Variants in KCTD8 observed in about 807,000 individuals in gnomAD.
KCTD8 encodes potassium channel tetramerization domain containing 8, also known as BTB/POZ domain-containing protein KCTD8.
KCTD8 carries 27 observed loss-of-function variants against 31.5 expected under a neutral mutation model. The observed-to-expected ratio is 0.86, with a 90% confidence interval of 0.63 to 1.18. KCTD8 has a LOEUF of 1.18. KCTD8 is among the 50% of genes most tolerant of loss of function. The pLI is 0.00. For missense variants in KCTD8, 658 were observed against 647.7 expected, an observed-to-expected ratio of 1.02 and a Z score of -0.17; for synonymous variants, 290 against 280.0, an observed-to-expected ratio of 1.04 and a Z score of -0.36.
At chr4:44,434,322 A>G (rs1338588833) in intron 1 of KCTD8, among the ~76,000 whole-genome samples, 1 of 151,888 alleles carries the variant, frequency 6.6e-6, no homozygotes, top group Non-Finnish European at 1.5e-5. Flanking sequence ...TGCAAAAGGT[A>G]CCATGCCAAG....
intron 1 of KCTD8, among the ~76,000 whole-genome samples, chr4:44,351,695 A>G (rs545469398): frequency 6.6e-6 from 1 of 152,224 alleles, no homozygotes; most frequent in Middle Eastern, 3.4e-3. Context: ...TCAATATGGT[A>G]CAATAGAACA....
intron 1 of KCTD8, among the ~76,000 whole-genome samples, chr4:44,284,657 A>C (rs1717003549): frequency 6.6e-6 from 1 of 152,226 alleles, no homozygotes; most frequent in Admixed American, 6.5e-5. Context: ...TGCACAGCAA[A>C]AGAAACTATC....
chr4:44,359,456 G>A (rs933584872), intron 1 of KCTD8, among the ~76,000 whole-genome samples: 14 of 152,036 alleles, frequency 9.2e-5, no homozygotes, highest in Admixed American at 2.0e-4. Flanking sequence ...TAAATCATCC[G>A]TTATTTGTAG....
At chr4:44,436,261 G>C (rs1225068909) in intron 1 of KCTD8, among the ~76,000 whole-genome samples, 1 of 151,966 alleles carries the variant, frequency 6.6e-6, no homozygotes, top group Non-Finnish European at 1.5e-5. Context: ...TGGTACAGAA[G>C]AACAATTTAA....
At chr4:44,415,779 G>T (rs183095620) in intron 1 of KCTD8, among the ~76,000 whole-genome samples, 1 of 152,230 alleles carries the variant, frequency 6.6e-6, no homozygotes, top group Non-Finnish European at 1.5e-5. Context: ...TTCAAAAGAC[G>T]TGCTGGAAAG....
At chr4:44,323,387 G>A (rs1235422909) in intron 1 of KCTD8, among the ~76,000 whole-genome samples, 2 of 151,610 alleles carry the variant, frequency 1.3e-5, no homozygotes, top group Non-Finnish European at 2.9e-5. Context: ...CCAGCTACTT[G>A]GGAGGCTGAA....
In KCTD8 at chr4:44,415,765, G is replaced by A. The variant is rs554184686; in HGVS notation, c.961+31798C>T. 9.1e-4 allele frequency among the ~76,000 whole-genome samples: 139 copies of A among 152,318 alleles called. 1 individual carries two copies. Among genetic ancestry groups the A allele is most frequent in the African/African-American group, 3.1e-3 (127 of 41,568 alleles). Reference sequence around the variant, plus strand: ...GAAGGTGGCTTGGCAGCACTCCCCTGGATTTCAAAAGACGTGCTGGAAAGT... The same window carrying A: ...GAAGGTGGCTTGGCAGCACTCCCCTAGATTTCAAAAGACGTGCTGGAAAGT... On this transcript the variant is annotated intron_variant, in intron 1 of 1. Coordinates refer to ENST00000360029, the MANE Select transcript of KCTD8 (RefSeq NM_198353.3).
intron 1 of KCTD8, among the ~76,000 whole-genome samples, chr4:44,425,948 G>T (rs1721334510): frequency 6.6e-6 from 1 of 151,346 alleles, no homozygotes; most frequent in South Asian, 2.1e-4. Flanking sequence ...GAAACCAGCA[G>T]TCACAACATA....
At chr4:44,428,474 T>C (rs1031025087) in intron 1 of KCTD8, among the ~76,000 whole-genome samples, 4 of 151,712 alleles carry the variant, frequency 2.6e-5, no homozygotes, top group African/African-American at 9.7e-5. Context: ...CTGGGCTTCA[T>C]TTTCCTCACA....
chr4:44,192,258 C>A (rs376186188), intron 1 of KCTD8, among the ~76,000 whole-genome samples: 38 of 152,114 alleles, frequency 2.5e-4, no homozygotes, highest in African/African-American at 8.2e-4. Context: ...TATTTATGAG[C>A]AAATTATTAT....
chr4:44,341,867 G>T (rs1034539115), intron 1 of KCTD8, among the ~76,000 whole-genome samples: 5 of 152,106 alleles, frequency 3.3e-5, no homozygotes, highest in African/African-American at 1.2e-4. Flanking sequence ...CTTTCCAGAA[G>T]ACTGTAAATT....
At chr4:44,281,792 A>G (rs570174359) in intron 1 of KCTD8, among the ~76,000 whole-genome samples, 5 of 152,268 alleles carry the variant, frequency 3.3e-5, no homozygotes, top group African/African-American at 1.2e-4. Flanking sequence ...TATCAATAAT[A>G]GGAGTAATCC....
At chr4:44,295,883 A>G (rs370832289) in intron 1 of KCTD8, among the ~76,000 whole-genome samples, 12 of 152,328 alleles carry the variant, frequency 7.9e-5, no homozygotes, top group Admixed American at 2.6e-4. Context: ...TTTATTACAT[A>G]TTAATTCACT....
chr4:44,221,751 G>A lies in KCTD8; in HGVS notation c.962-46501C>T, dbSNP rs80223631. 8.6e-3 allele frequency among the ~76,000 whole-genome samples: 1,310 copies of A among 152,222 alleles called. 18 individuals are homozygous for A. Among genetic ancestry groups the A allele is most frequent in the African/African-American group, 0.03 (1,244 of 41,540 alleles). ...ACTTAGCCAGTGTACTCTTTCCACC[G>A]TTCTTCTGTCTGCTTTTATCCTAGC... On this transcript the variant is annotated intron_variant, in intron 1 of 1. Coordinates refer to ENST00000360029, the MANE Select transcript of KCTD8 (RefSeq NM_198353.3).
chr4:44,243,455 T>G (rs1715563718), intron 1 of KCTD8, among the ~76,000 whole-genome samples: 1 of 152,244 alleles, frequency 6.6e-6, no homozygotes, highest in South Asian at 2.1e-4. Context: ...CCTCTACCTC[T>G]GAGACTATAT....
chr4:44,270,188 A>T (rs1398921900), intron 1 of KCTD8, among the ~76,000 whole-genome samples: 1 of 152,080 alleles, frequency 6.6e-6, no homozygotes, highest in African/African-American at 2.4e-5. Context: ...TGGCACATAT[A>T]CACCATGGAA....
At chr4:44,395,298 G>C (rs1477988198) in intron 1 of KCTD8, among the ~76,000 whole-genome samples, 1 of 152,112 alleles carries the variant, frequency 6.6e-6, no homozygotes, top group East Asian at 1.9e-4. Context: ...CCAGGAAGCA[G>C]TTTCACATGA....
chr4:44,303,060 G>C (rs1017475267), intron 1 of KCTD8, among the ~76,000 whole-genome samples: 1 of 152,136 alleles, frequency 6.6e-6, no homozygotes, highest in African/African-American at 2.4e-5. Flanking sequence ...TGCATCCCAG[G>C]GATGAAGCCC....
chr4:44,445,206 T>C (rs968065264), intron 1 of KCTD8, among the ~76,000 whole-genome samples: 2 of 152,152 alleles, frequency 1.3e-5, no homozygotes, highest in East Asian at 3.8e-4. Flanking sequence ...TGTAAAAATA[T>C]AATGAAAGCT....
Sources: allele counts gnomAD v4.1 joint callset (sites outside exome capture counted in the v4.1 genomes callset), GRCh38; gene constraint gnomAD v4.1.1; transcripts MANE v1.5; gene names NCBI Gene and HGNC (gene_info 2026-07-23, HGNC 2026-07-21).